Variants in GOLT1A observed in about 807,000 individuals in gnomAD.
The protein encoded by GOLT1A is golgi transport 1A, also known as vesicle transport protein GOT1A.
A neutral mutation model predicts 16.1 loss-of-function variants in GOLT1A; 10 were observed. That is an observed-to-expected ratio of 0.62 (90% CI 0.38 to 1.05). The LOEUF (loss-of-function observed/expected upper bound fraction) is 1.05. Among genes scored for constraint, GOLT1A ranks in the 50% least tolerant of loss-of-function variants. The probability of loss-of-function intolerance (pLI) is 0.01; values close to 1 mark genes in which losing one functional copy is unlikely to be tolerated. For missense variants in GOLT1A, 137 were observed against 165.7 expected (o/e 0.83, Z 0.95); for synonymous variants, 60 against 67.9 (o/e 0.88, Z 0.57).
At chr1:204,201,609 A>G in intron 3 of GOLT1A, 24 bp downstream of exon 3, 1 of 1,612,462 alleles carries the variant, frequency 6.2e-7, no homozygotes, top group Non-Finnish European at 8.5e-7. Flanking sequence ...GGGTCTGTCC[A>G]GGGTTATAGG....
intron 3 of GOLT1A, among the ~76,000 whole-genome samples, chr1:204,200,323 T>TATA (rs1658935687): frequency 7.0e-5 from 3 of 42,706 alleles, no homozygotes; most frequent in Non-Finnish European, 1.3e-4. Flanking sequence ...ATATATATGT[T>TATA]TTTGTTTTTT....
In GOLT1A at chr1:204,199,402, G is replaced by C. The variant is rs1345387366; in HGVS notation, c.297-144C>G. ...TTGATTCTGCACTCCTGTGTTCCGA[G>C]AGACAGTCGAGTGACATGATTAAGA... On this transcript the variant is annotated intron_variant, in intron 3 of 4. Coordinates refer to ENST00000308302, the MANE Select transcript of GOLT1A (RefSeq NM_198447.2). The C allele has an allele frequency of 4.5e-6, 3 of 674,088 alleles. No homozygotes were observed. The African/African-American group carries it at 5.4e-5, about 12-fold the overall frequency. The allele number at this position is 674,088 out of a possible 1,614,324, so 41.8% of individuals were successfully genotyped here.
intron 3 of GOLT1A, among the ~76,000 whole-genome samples, chr1:204,199,600 G>A (rs1380326282): frequency 6.6e-6 from 1 of 152,174 alleles, no homozygotes; most frequent in East Asian, 1.9e-4. Context: ...GAAATGCTCA[G>A]GAAGTGCTTA....
rs1157597298 is a variant in GOLT1A at position 204,213,919 on chromosome 1, C to T, written c.-13G>A. On this transcript the variant is annotated 5_prime_UTR_variant, in exon 1 of 5. Transcript: ENST00000308302. ...TGATGGAGATCATGCCGCACTCAGC[C>T]TGGGGGGCTTTCCGGGTGGAAGCGG... is the stretch of plus-strand genomic sequence containing the variant. The T allele has an allele frequency of 6.2e-7, 1 of 1,612,998 alleles. No homozygotes were observed. Among genetic ancestry groups the T allele is most frequent in the South Asian group, 1.1e-5 (1 of 90,800 alleles).
chr1:204,205,438 CT>C (rs1278850271), intron 1 of GOLT1A, among the ~76,000 whole-genome samples: 12 of 152,152 alleles, frequency 7.9e-5, no homozygotes, highest in African/African-American at 2.9e-4. Flanking sequence ...ATTTCATGGT[CT>C]TGATGCCCTC....
chr1:204,200,990 G>A (rs932552053), intron 3 of GOLT1A, among the ~76,000 whole-genome samples: 1 of 151,984 alleles, frequency 6.6e-6, no homozygotes, highest in Non-Finnish European at 1.5e-5. Context: ...ATCCCTCAAG[G>A]CTTCTCTCAA....
chr1:204,200,299 G>GTGTATATATATATA, intron 3 of GOLT1A, among the ~76,000 whole-genome samples: 10 of 82,682 alleles, frequency 1.2e-4, no homozygotes, highest in East Asian at 4.0e-4. Flanking sequence ...ACATATATGT[G>GTGTATATATATATA]TATATATATA....
At chr1:204,200,610 G>A (rs1051075234) in intron 3 of GOLT1A, among the ~76,000 whole-genome samples, 5 of 151,908 alleles carry the variant, frequency 3.3e-5, no homozygotes, top group African/African-American at 1.2e-4. Context: ...TTATAGGTGT[G>A]AGCCACTGCA....
intron 3 of GOLT1A, among the ~76,000 whole-genome samples, chr1:204,200,774 G>A (rs1167072206): frequency 6.6e-6 from 1 of 152,164 alleles, no homozygotes; most frequent in Non-Finnish European, 1.5e-5. Flanking sequence ...GGGGGCTCCT[G>A]TGAGAACCTG....
intron 1 of GOLT1A, among the ~76,000 whole-genome samples, chr1:204,207,155 T>A (rs1414902657): frequency 6.6e-6 from 1 of 152,222 alleles, no homozygotes; most frequent in Non-Finnish European, 1.5e-5. Context: ...GCAGCAACCA[T>A]GGCAGAAAGA....
At chr1:204,199,833 G>A (rs1013761438) in intron 3 of GOLT1A, among the ~76,000 whole-genome samples, 7 of 152,200 alleles carry the variant, frequency 4.6e-5, no homozygotes, top group East Asian at 1.9e-4. Flanking sequence ...AGGCCTGACT[G>A]CAGACACATG....
At chr1:204,204,449 T>G (rs1385691632) in intron 1 of GOLT1A, among the ~76,000 whole-genome samples, 1 of 152,240 alleles carries the variant, frequency 6.6e-6, no homozygotes, top group Admixed American at 6.5e-5. Context: ...TTCTCAAGGT[T>G]CCTTCATGTT....
intron 1 of GOLT1A, among the ~76,000 whole-genome samples, chr1:204,212,304 C>A (rs1380260140): frequency 1.3e-5 from 2 of 152,186 alleles, no homozygotes; most frequent in African/African-American, 4.8e-5. Flanking sequence ...CGCTAATCTC[C>A]TGCTAACACC....
intron 1 of GOLT1A, among the ~76,000 whole-genome samples, chr1:204,206,006 G>A (rs1659033757): frequency 3.3e-5 from 5 of 152,126 alleles, no homozygotes; most frequent in Admixed American, 3.3e-4. Context: ...GGAGGTGGAG[G>A]TTGCAGTGAG....
chr1:204,208,474 G>GTA (rs1175788237), intron 1 of GOLT1A, among the ~76,000 whole-genome samples: 4 of 31,430 alleles, frequency 1.3e-4, no homozygotes, highest in Non-Finnish European at 3.1e-4. Context: ...GTGTGTGTGT[G>GTA]TGTATATATA....
At chr1:204,203,129 A>G (rs1191156882) in intron 1 of GOLT1A, 142 bp from the exon 2 acceptor site, 25 of 658,700 alleles carry the variant, frequency 3.8e-5, no homozygotes, top group Non-Finnish European at 5.8e-5. Context: ...TCATGCTCTC[A>G]GGGGATGGTG....
chr1:204,212,434 C>T lies in GOLT1A; in HGVS notation c.25+1448G>A, dbSNP rs1016723154. Among the ~76,000 whole-genome samples, 8 of 152,068 alleles carry T rather than the reference C, an allele frequency of 5.3e-5. 1 individual carries two copies. Among genetic ancestry groups the T allele is most frequent in the Admixed American group, 3.9e-4 (6 of 15,282 alleles). ...TGGATCACTTGAGAAGTCAGGAGTT[C>T]GAGACCAACCTGGTAAACGTGGAGA... On this transcript the variant is annotated intron_variant, in intron 1 of 4. Transcript: ENST00000308302.
intron 1 of GOLT1A, among the ~76,000 whole-genome samples, chr1:204,203,921 G>A (rs932632663): frequency 1.4e-4 from 21 of 152,166 alleles, no homozygotes; most frequent in African/African-American, 4.8e-4. Context: ...GCGTAGCCTA[G>A]AAGTGCAGGA....
At chr1:204,211,611 T>C (rs778820761) in intron 1 of GOLT1A, among the ~76,000 whole-genome samples, 15 of 152,144 alleles carry the variant, frequency 9.9e-5, no homozygotes, top group East Asian at 1.9e-4. Flanking sequence ...TTGGTAAGAG[T>C]ATATTACTTG....
Sources: gnomAD v4.1 joint callset for allele counts (sites outside exome capture counted in the v4.1 genomes callset) on GRCh38, gnomAD v4.1.1 for gene constraint, MANE v1.5 for transcripts, NCBI Gene and HGNC (gene_info 2026-07-23, HGNC 2026-07-21) for gene names.